Variants in ASAP2 observed in about 807,000 individuals in gnomAD.
The protein encoded by ASAP2 is arf-GAP with SH3 domain, ANK repeat and PH domain-containing protein 2.
A neutral mutation model predicts 131.4 loss-of-function variants in ASAP2; 45 were observed. That is an observed-to-expected ratio of 0.34 (90% CI 0.27 to 0.44). ASAP2 has a LOEUF of 0.44. Ranked by LOEUF, ASAP2 falls within the 20% of genes least tolerant of loss-of-function variation. The probability of loss-of-function intolerance (pLI) is 1.00; values close to 1 mark genes in which losing one functional copy is unlikely to be tolerated. For missense variants in ASAP2, 1,011 were observed against 1,297.0 expected (o/e 0.78, Z 3.39); for synonymous variants, 510 against 503.0 (o/e 1.01, Z -0.19).
chr2:9,366,180 A>C (rs1673460205), intron 15 of ASAP2, among the ~76,000 whole-genome samples: 1 of 152,102 alleles, frequency 6.6e-6, no homozygotes, highest in African/African-American at 2.4e-5. Context: ...CAGAACTGCA[A>C]GGTAGCACGT....
intron 25 of ASAP2, among the ~76,000 whole-genome samples, chr2:9,400,506 G>C (rs1253072665): frequency 6.7e-6 from 1 of 149,462 alleles, no homozygotes; most frequent in South Asian, 2.2e-4. Flanking sequence ...GAGCAGCTCA[G>C]TCCTGGGGCC....
Position 9,334,201 on chromosome 2 carries a change from G to GGTTT in ASAP2, c.687-537_687-536insGTTT, listed in dbSNP as rs554034673. ...AGTAGCTTTTTGTATTTTTGTATTT[G>GGTTT]TTTTTTTTTTTTTTGTATTTTTAAT... On this transcript the variant is annotated intron_variant, in intron 7 of 27. Transcript: ENST00000281419. 3.0e-3 allele frequency among the ~76,000 whole-genome samples: 387 copies of GGTTT among 129,478 alleles called. 9 individuals are homozygous for GGTTT. Among genetic ancestry groups the GGTTT allele is most frequent in the African/African-American group, 0.011 (364 of 33,780 alleles). The allele number at this position is 129,478 out of a possible 152,430, so 84.9% of individuals were successfully genotyped here.
At chr2:9,280,350 T>TC (rs932136261) in intron 2 of ASAP2, among the ~76,000 whole-genome samples, 2 of 150,568 alleles carry the variant, frequency 1.3e-5, no homozygotes, top group African/African-American at 2.4e-5. Flanking sequence ...TTCCACCTGC[T>TC]CCCCCCCACC....
chr2:9,315,726 GT>G (rs1377774231), intron 3 of ASAP2, among the ~76,000 whole-genome samples: 3 of 152,160 alleles, frequency 2.0e-5, no homozygotes, highest in Admixed American at 6.5e-5. Flanking sequence ...ACGGCCTTCT[GT>G]TTGTCCTTGT....
chr2:9,334,804 T>C lies in ASAP2; in HGVS notation c.753T>C (p.Asp251=). 1 of 1,613,896 alleles carries C rather than the reference T, an allele frequency of 6.2e-7. No individual in the cohort carries two copies. Among genetic ancestry groups the C allele is most frequent in the Non-Finnish European group, 8.5e-7 (1 of 1,179,742 alleles). ...LKPSIETLST[D]LHTIKQAQDE... is the part of the protein sequence containing the mutation. ...CTTCCATTGAAACGCTGTCTACGGA[T>C]CTTCACACGGTGAGTAGCTTCCCTC... Residue 251 remains aspartate, a synonymous_variant, in exon 8 of 28, where the codon GAT becomes GAC. Transcript: ENST00000281419.
intron 20 of ASAP2, 27 bp from the exon 21 acceptor site, chr2:9,385,218 G>A: frequency 6.4e-7 from 1 of 1,550,962 alleles, no homozygotes; most frequent in Non-Finnish European, 8.9e-7. Context: ...ATGAGCAACA[G>A]CACTGACCAT....
chr2:9,326,943 A>G (rs924642955), intron 6 of ASAP2, among the ~76,000 whole-genome samples: 3 of 152,238 alleles, frequency 2.0e-5, no homozygotes, highest in African/African-American at 7.2e-5. Flanking sequence ...GTCAAAATGT[A>G]CATACGTTTA....
intron 5 of ASAP2, 80 bp downstream of exon 5, chr2:9,320,417 A>C (rs1243066638): frequency 9.5e-7 from 1 of 1,053,870 alleles, no homozygotes; most frequent in South Asian, 1.4e-5. Context: ...GCTTAAAGGG[A>C]TTGTCCAAAT....
chr2:9,396,278 C>G (rs1676139530), intron 24 of ASAP2, among the ~76,000 whole-genome samples: 1 of 152,052 alleles, frequency 6.6e-6, no homozygotes, highest in Non-Finnish European at 1.5e-5. Flanking sequence ...TTCCTGAGAT[C>G]AACTAGGTTG....
intron 1 of ASAP2, among the ~76,000 whole-genome samples, chr2:9,227,731 T>TA (rs1443603026): frequency 2.0e-5 from 3 of 152,200 alleles, no homozygotes; most frequent in Non-Finnish European, 4.4e-5. Context: ...TTTATTGAGT[T>TA]AAAAAAATAT....
chr2:9,322,993 A>T, intron 5 of ASAP2, 128 bp from the exon 6 acceptor site: 1 of 1,126,802 alleles, frequency 8.9e-7, no homozygotes, highest in Non-Finnish European at 1.3e-6. Context: ...GGGAGTTGAG[A>T]GGCTGCCTGT....
intron 1 of ASAP2, among the ~76,000 whole-genome samples, chr2:9,248,399 G>A (rs1012079963): frequency 4.0e-5 from 6 of 151,810 alleles, no homozygotes; most frequent in East Asian, 1.9e-4. Flanking sequence ...TGGGTAATTA[G>A]TGTATGTGTA....
chr2:9,341,772 T>C (rs1671595099), intron 9 of ASAP2, among the ~76,000 whole-genome samples: 4 of 152,226 alleles, frequency 2.6e-5, no homozygotes, highest in Admixed American at 2.6e-4. Flanking sequence ...CTCTAAATTT[T>C]GGTGCCGATG....
intron 1 of ASAP2, among the ~76,000 whole-genome samples, chr2:9,264,183 C>A (rs1572288815): frequency 2.3e-5 from 3 of 130,890 alleles, no homozygotes; most frequent in East Asian, 3.9e-4. Flanking sequence ...TGAGTGAGAC[C>A]CTGTCTCAAA....
rs115901755 is a variant in ASAP2, at chr2:9,346,198, C to T, written c.1023+1398C>T. Among the ~76,000 whole-genome samples the T allele has an allele frequency of 8.4e-3, 1,276 of 152,072 alleles. 19 individuals are homozygous for T. Among genetic ancestry groups the T allele is most frequent in the African/African-American group, 0.029 (1,206 of 41,468 alleles). ...ATCCTAGCGCTTAGGGAGGCCGAGGCGGGCAGATCAGCTGAGGTCAGGTTC... is the reference window on the plus strand; with the variant it reads ...ATCCTAGCGCTTAGGGAGGCCGAGGTGGGCAGATCAGCTGAGGTCAGGTTC... On this transcript the variant is annotated intron_variant, in intron 11 of 27. Coordinates refer to ENST00000281419, the MANE Select transcript of ASAP2 (RefSeq NM_003887.3).
rs1377998634 is a variant in ASAP2 at position 9,304,784 on chromosome 2, G to T, written c.345+7339G>T. ...ATAGTGGGGTATAGATATTGGTGGAGGGGCTGGAGTAGTGAGGTATAGATA... is the reference window on the plus strand; with the variant it reads ...ATAGTGGGGTATAGATATTGGTGGATGGGCTGGAGTAGTGAGGTATAGATA... On this transcript the variant is annotated intron_variant, in intron 3 of 27. Coordinates refer to ENST00000281419, the MANE Select transcript of ASAP2 (RefSeq NM_003887.3). Among the ~76,000 whole-genome samples, 6 of 150,588 alleles carry T rather than the reference G, an allele frequency of 4.0e-5. No individual in the cohort carries two copies. The East Asian group carries it at 7.8e-4, about 20-fold the overall frequency.
chr2:9,366,109 T>G (rs1189499701), intron 15 of ASAP2, among the ~76,000 whole-genome samples: 1 of 152,080 alleles, frequency 6.6e-6, no homozygotes, highest in African/African-American at 2.4e-5. Flanking sequence ...TGCAAATGCT[T>G]TGCTTTTGTC....
chr2:9,243,791 G>A (rs1171205530), intron 1 of ASAP2, among the ~76,000 whole-genome samples: 1 of 152,118 alleles, frequency 6.6e-6, no homozygotes, highest in African/African-American at 2.4e-5. Context: ...TAGTTGCTGA[G>A]GATTCTAAAT....
At chr2:9,269,709 G>T (rs1402212440) in intron 1 of ASAP2, among the ~76,000 whole-genome samples, 1 of 152,246 alleles carries the variant, frequency 6.6e-6, no homozygotes, top group East Asian at 1.9e-4. Flanking sequence ...TGCCTGGGTG[G>T]CTGTAGCTCT....
Sources: gnomAD v4.1 joint callset for allele counts (sites outside exome capture counted in the v4.1 genomes callset) on GRCh38, gnomAD v4.1.1 for gene constraint, MANE v1.5 for transcripts, NCBI Gene and HGNC (gene_info 2026-07-23, HGNC 2026-07-21) for gene names.